MYCBP2: variants seen among roughly 807,000 people sequenced by gnomAD.
MYCBP2 encodes the protein E3 ubiquitin-protein ligase MYCBP2.
MYCBP2 carries 120 observed loss-of-function variants against 525.3 expected under a neutral mutation model. That is an observed-to-expected ratio of 0.23 (90% CI 0.20 to 0.27). MYCBP2 has a LOEUF of 0.27. Ranked by LOEUF, MYCBP2 falls within the 10% of genes least tolerant of loss-of-function variation. The probability of loss-of-function intolerance (pLI) is 1.00; values close to 1 mark genes in which losing one functional copy is unlikely to be tolerated. For synonymous variants in MYCBP2, 1,894 were observed against 1,955.8 expected (o/e 0.97, Z 0.83); for missense variants, 4,149 against 5,657.1 (o/e 0.73, Z 8.55).
At chr13:77,269,863 T>C in intron 7 of MYCBP2, 129 bp downstream of exon 7, 1 of 742,536 alleles carries the variant, frequency 1.3e-6, no homozygotes, top group Non-Finnish European at 2.2e-6. Flanking sequence ...TATTCAGTTA[T>C]TATGGCCATA....
intron 54 of MYCBP2, 99 bp from the exon 55 acceptor site, chr13:77,121,594 A>G: frequency 6.7e-6 from 8 of 1,192,810 alleles, no homozygotes; most frequent in Non-Finnish European, 7.8e-6. Flanking sequence ...TGATGGTTAG[A>G]TTTTAAAATA....
At chr13:77,054,518 G>A (rs1178349205) in intron 80 of MYCBP2, among the ~76,000 whole-genome samples, 1 of 151,940 alleles carries the variant, frequency 6.6e-6, no homozygotes, top group Non-Finnish European at 1.5e-5. Flanking sequence ...TGCTGGAGAT[G>A]TAATGGAAAG....
rs188520733 is a variant in MYCBP2, at chr13:77,069,052, C to T, written c.11905-221G>A. 5.9e-4 allele frequency among the ~76,000 whole-genome samples: 90 copies of T among 152,232 alleles called. No individual in the cohort carries two copies. In the Middle Eastern group the frequency reaches 0.01, roughly 17 times the overall value. On this transcript the variant is annotated intron_variant, in intron 69 of 82. Coordinates refer to ENST00000544440, the MANE Select transcript of MYCBP2 (RefSeq NM_015057.5). ...ATAAAAATGGAAATATTTAAATCAA[C>T]TACTATGTGCAAACTGATTATATGC...
At chr13:77,303,226 A>G (rs1594788320) in intron 1 of MYCBP2, among the ~76,000 whole-genome samples, 1 of 152,282 alleles carries the variant, frequency 6.6e-6, no homozygotes, top group African/African-American at 2.4e-5. Context: ...CCAGCTACTC[A>G]GGAGGCTGAG....
Position 77,081,658 on chromosome 13 carries a change from G to C in MYCBP2, c.11194-7C>G. On this transcript the variant is annotated splice_polypyrimidine_tract_variant and splice_region_variant and intron_variant, in intron 64 of 82. Transcript: ENST00000544440. The surrounding 1 kb of genome is among the most constrained non-coding windows in gnomAD (Gnocchi z 4.6). ...ACATTACTATGCATAATTCCTATCA[G>C]AAACAAATATAAGTACTTATGATAC... 1 of 1,593,380 alleles carries C rather than the reference G, an allele frequency of 6.3e-7. No homozygotes were observed. Among genetic ancestry groups the C allele is most frequent in the African/African-American group, 1.4e-5 (1 of 73,916 alleles).
intron 26 of MYCBP2, among the ~76,000 whole-genome samples, chr13:77,199,644 C>A (rs1035376617): frequency 2.0e-5 from 3 of 152,206 alleles, no homozygotes; most frequent in African/African-American, 7.2e-5. Flanking sequence ...ATGTCCCTGT[C>A]TGACAGCTTT....
rs2059740671 is a variant in MYCBP2 at position 77,176,691 on chromosome 13, T to G, written c.5341-63A>C. On this transcript the variant is annotated intron_variant, in intron 35 of 82. Coordinates refer to ENST00000544440, the MANE Select transcript of MYCBP2 (RefSeq NM_015057.5). ...CTCTTAATTTTATTGTATGAACAAT[T>G]TTGATTTATAATTATTATTTTTAAA... The G allele has an allele frequency of 4.9e-6, 6 of 1,221,512 alleles. No homozygotes were observed. The South Asian group carries it at 1.4e-4, about 29-fold the overall frequency. The allele number at this position is 1,221,512 out of a possible 1,614,324, so 75.7% of individuals were successfully genotyped here. A position where few individuals can be genotyped will look rare whatever the true frequency, so the allele number is the denominator to read the frequency against.
At chr13:77,118,774 G>A (rs2050204253) in intron 55 of MYCBP2, among the ~76,000 whole-genome samples, 1 of 151,898 alleles carries the variant, frequency 6.6e-6, no homozygotes, top group Non-Finnish European at 1.5e-5. Context: ...CTCTCATTAT[G>A]TATGGGAGAA....
At chr13:77,193,160 G>T (rs7327067) in intron 27 of MYCBP2, among the ~76,000 whole-genome samples, 4,646 of 151,950 alleles carry the variant, frequency 0.031, 230 homozygotes, top group African/African-American at 0.1. Flanking sequence ...AATAAATAAA[G>T]AAATAAATAA....
chr13:77,078,746 T>A, intron 66 of MYCBP2, 78 bp downstream of exon 66: 4 of 1,131,912 alleles, frequency 3.5e-6, no homozygotes, highest in Non-Finnish European at 5.4e-6. Context: ...GTGCCAAGGG[T>A]GGAATTCAAT....
Position 77,262,076 on chromosome 13 carries a change from G to A in MYCBP2, c.1624C>T (p.Leu542=), listed in dbSNP as rs575323466. 6.2e-7 allele frequency: 1 copy of A among 1,611,226 alleles called. No homozygotes were observed. Among genetic ancestry groups the A allele is most frequent in the East Asian group, 2.2e-5 (1 of 44,740 alleles). The stretch of plus-strand genomic sequence containing the variant: ...ACCTTTCCATTTGCTGTTTTCATTA[G>A]CGCAAACTCTCGTCCTGCACCAAGA... The part of the protein sequence containing the change: ...AILGAGREFA[L]MKTANGKIYY... The change falls in exon 11 of 83, where the codon CTA becomes TTA. Residue 542 remains leucine (L), a synonymous_variant. Coordinates refer to ENST00000544440, the MANE Select transcript of MYCBP2 (RefSeq NM_015057.5).
chr13:77,221,474 T>C (rs1368083802), intron 20 of MYCBP2, among the ~76,000 whole-genome samples: 1 of 152,188 alleles, frequency 6.6e-6, no homozygotes, highest in African/African-American at 2.4e-5. Flanking sequence ...TTCTTCTGAG[T>C]GCCAAGTGCA....
At position 77,185,865 on chromosome 13, in the gene MYCBP2, T is replaced by C. The variant is rs755165454; in HGVS notation, c.4444+6A>G. ...CCTATAGTCATTTAAAAAAAATGCA[T>C]CATACCTGACACTGGGTAAATTTCA... On this transcript the variant is annotated splice_donor_region_variant and intron_variant, in intron 31 of 82. Coordinates refer to ENST00000544440, the MANE Select transcript of MYCBP2 (RefSeq NM_015057.5). 8 of 1,553,140 alleles carry C rather than the reference T, an allele frequency of 5.2e-6. No homozygotes were observed. The highest frequency in any genetic ancestry group is 2.1e-5 in the Admixed American group (1 of 47,214).
chr13:77,098,276 C>T lies in MYCBP2; in HGVS notation c.8878G>A (p.Val2960Met), dbSNP rs1167804791. The T allele has an allele frequency of 1.2e-6, 2 of 1,612,302 alleles. No homozygotes were observed. The highest frequency in any genetic ancestry group is 1.7e-5 in the Admixed American group (1 of 59,960). The change falls in exon 56 of 83, where the codon GTG (valine) becomes ATG (methionine). Residue 2960 changes from valine (V) to methionine (M), a missense_variant. Val to Met is a conservative substitution (Grantham distance 21). Transcript: ENST00000544440. Reference protein sequence around the residue: ...TCDDSSEFKSVDEGSNKVHFS... With the variant: ...TCDDSSEFKSMDEGSNKVHFS... ...TGAACTTTATTTGAACCTTCATCCA[C>T]ACTCTTAAATTCACTGCTGTCATCG...
chr13:77,134,410 TG>T, intron 52 of MYCBP2, among the ~76,000 whole-genome samples: 1 of 152,030 alleles, frequency 6.6e-6, no homozygotes, highest in Non-Finnish European at 1.5e-5. Flanking sequence ...GGTGTATGCC[TG>T]TAATACCAGC....
intron 55 of MYCBP2, among the ~76,000 whole-genome samples, chr13:77,119,948 T>C (rs2050402292): frequency 6.6e-6 from 1 of 152,214 alleles, no homozygotes; most frequent in Non-Finnish European, 1.5e-5. Flanking sequence ...AGTAATACTT[T>C]ATTATTTGTA....
At chr13:77,247,302 G>A (rs9593218) in intron 15 of MYCBP2, among the ~76,000 whole-genome samples, 4,090 of 152,122 alleles carry the variant, frequency 0.027, 202 homozygotes, top group African/African-American at 0.092. Context: ...TGTATTTCTA[G>A]ACACTAACAA....
In MYCBP2 at chr13:77,241,256, C is replaced by T. The variant is rs573025100; in HGVS notation, c.2629+1803G>A. ...GCACGATTCAATGTTCCTTTATTTC[C>T]TATATGCACAAATATACTATACCTA... On this transcript the variant is annotated intron_variant, in intron 17 of 82. Transcript: ENST00000544440. Among the ~76,000 whole-genome samples the T allele has an allele frequency of 2.0e-5, 3 of 152,190 alleles. 1 individual carries two copies. In the South Asian group the frequency reaches 6.2e-4, roughly 32 times the overall value.
chr13:77,096,106 A>G (rs2046215606), intron 57 of MYCBP2, among the ~76,000 whole-genome samples: 1 of 152,166 alleles, frequency 6.6e-6, no homozygotes, highest in African/African-American at 2.4e-5. Flanking sequence ...GAGGTTATCT[A>G]GTGTTATTCC....
Sources: gnomAD v4.1 joint callset for allele counts (sites outside exome capture counted in the v4.1 genomes callset) on GRCh38, gnomAD v4.1.1 for gene constraint, Gnocchi (gnomAD v3.1) non-coding constraint, MANE v1.5 for transcripts, NCBI Gene and HGNC (gene_info 2026-07-23, HGNC 2026-07-21) for gene names.